CDAN1: variants seen among roughly 807,000 people sequenced by gnomAD.
CDAN1 encodes codanin-1.
CDAN1 carries 107 observed loss-of-function variants against 139.8 expected under a neutral mutation model. The ratio of observed to expected loss-of-function variants is 0.77; its 90% CI spans 0.65 to 0.90. The LOEUF is 0.90. CDAN1 is among the 40% of genes least tolerant of loss of function. The pLI is 0.00. For missense variants in CDAN1, 1,667 were observed against 1,575.7 expected (o/e 1.06, Z -0.98); for synonymous variants, 776 against 660.6 (o/e 1.17, Z -2.68).
rs371822328 is a variant in CDAN1, at chr15:42,726,409, G to C, written c.3105C>G (p.Leu1035=). Residue 1035 remains leucine, a synonymous_variant, in exon 24 of 28, where the codon CTC becomes CTG. Coordinates refer to ENST00000356231, the MANE Select transcript of CDAN1 (RefSeq NM_138477.4). ...SHLISEIKDV[L]SLAVGPRDPD... ...GGTCCCGTGGCCCCACGGCCAAGGAGAGCACGTCCTGTGAAGAGCAGGGGG... is the reference window on the plus strand; with the variant it reads ...GGTCCCGTGGCCCCACGGCCAAGGACAGCACGTCCTGTGAAGAGCAGGGGG... 1 of 1,593,222 alleles carries C rather than the reference G, an allele frequency of 6.3e-7. No individual in the cohort carries two copies. The highest frequency in any genetic ancestry group is 2.3e-5 in the East Asian group (1 of 43,878).
In CDAN1 at chr15:42,736,324, A is replaced by C; in HGVS notation, c.547T>G (p.Ser183Ala). 1 of 1,613,622 alleles carries C rather than the reference A, an allele frequency of 6.2e-7. No homozygotes were observed. Among genetic ancestry groups the C allele is most frequent in the East Asian group, 2.2e-5 (1 of 44,810 alleles). Residue 183 changes from serine to alanine, a missense_variant, in exon 2 of 28, where the codon TCG becomes GCG. Ser to Ala is a moderately conservative substitution (Grantham distance 99, BLOSUM62 1). Coordinates refer to ENST00000356231, the MANE Select transcript of CDAN1 (RefSeq NM_138477.4). ...SNLEEFPPVG[S>A]VPPGPTGTKP... ...CACCCTGTAGGGCCGGGGGGAACCGAGCCTACGGGAGGGAACTCCTCCAGG... is the reference window on the plus strand; with the variant it reads ...CACCCTGTAGGGCCGGGGGGAACCGCGCCTACGGGAGGGAACTCCTCCAGG...
At position 42,727,694 on chromosome 15, in the gene CDAN1, C is replaced by T. The variant is rs1369041010; in HGVS notation, c.3023G>A (p.Gly1008Glu). 3 of 1,585,438 alleles carry T rather than the reference C, an allele frequency of 1.9e-6. No homozygotes were observed. Among genetic ancestry groups the T allele is most frequent in the Non-Finnish European group, 2.6e-6 (3 of 1,162,038 alleles). Residue 1008 changes from glycine to glutamate, a missense_variant, in exon 23 of 28, where the codon GGG (glycine) becomes GAG (glutamate). Coordinates refer to ENST00000356231, the MANE Select transcript of CDAN1 (RefSeq NM_138477.4). ...RAQGPEPAARGERRGCSRACE... is the reference protein window; with the variant it reads ...RAQGPEPAAREERRGCSRACE... ...GGCGCGGGAGCAGCCCCTCCGCTCCCCCCGGGCAGCAGGTTCAGGACCCTG... is the reference window on the plus strand; with the variant it reads ...GGCGCGGGAGCAGCCCCTCCGCTCCTCCCGGGCAGCAGGTTCAGGACCCTG...
intron 8 of CDAN1, among the ~76,000 whole-genome samples, 170 bp downstream of exon 8, chr15:42,733,768 C>T (rs1005015149): frequency 2.2e-4 from 33 of 152,198 alleles, no homozygotes; most frequent in African/African-American, 7.2e-4. Context: ...TTCACAGATG[C>T]ACATGAGAAT....
Position 42,730,922 on chromosome 15 carries a change from C to T in CDAN1, c.2007+3G>A. 6.2e-7 allele frequency: 1 copy of T among 1,614,206 alleles called. No homozygotes were observed. Reference sequence around the variant, plus strand: ...TCCTCACCAGAATCCCCCGCCCATTCACCTGGCTCCTGAGGGCCAGAATGG... The same window carrying T: ...TCCTCACCAGAATCCCCCGCCCATTTACCTGGCTCCTGAGGGCCAGAATGG... On this transcript the variant is annotated splice_donor_region_variant and intron_variant, in intron 13 of 27. Transcript: ENST00000356231.
At chr15:42,733,009 AAAC>A in intron 9 of CDAN1, 85 bp downstream of exon 9, 1 of 1,025,562 alleles carries the variant, frequency 9.8e-7, no homozygotes, top group Non-Finnish European at 1.5e-6. Context: ...GGAGCGGGGA[AAAC>A]CTTCCCTCCT....
At position 42,735,139 on chromosome 15, in the gene CDAN1, C is replaced by T; in HGVS notation, c.1097G>A (p.Cys366Tyr). Residue 366 changes from cysteine to tyrosine, a missense_variant, in exon 6 of 28, where the codon TGT (cysteine) becomes TAT (tyrosine). By Grantham distance (194) the Cys-to-Tyr change is radical. This residue lies in a region of CDAN1 where 244 missense variants were observed against 309.4 expected (regional missense o/e 0.79). Coordinates refer to ENST00000356231, the MANE Select transcript of CDAN1 (RefSeq NM_138477.4). ...ESPLFQSIHD[C>Y]VFFAVQVLEC... The stretch of plus-strand genomic sequence containing the variant: ...CAAAACCTGCACTGCAAAGAAGACA[C>T]AATCGTGGATGCTTTGGAACAGTGG... The T allele has an allele frequency of 1.2e-6, 2 of 1,614,002 alleles. No individual in the cohort carries two copies. The highest frequency in any genetic ancestry group is 1.7e-6 in the Non-Finnish European group (2 of 1,179,930).
At chr15:42,730,879 C>A in intron 13 of CDAN1, 46 bp downstream of exon 13, 1 of 1,613,848 alleles carries the variant, frequency 6.2e-7, no homozygotes, top group Non-Finnish European at 8.5e-7. Flanking sequence ...CAGTGCCTGG[C>A]CGGTCCTCCC....
rs749587373 is a variant in CDAN1 at position 42,736,664 on chromosome 15, G to A, written c.207C>T (p.Pro69=). The change falls in exon 2 of 28, where the codon CCC becomes CCT. Residue 69 remains proline, a synonymous_variant. Transcript: ENST00000356231. ...EQSSRVLPQG[P]PTPAKTPGAS... ...CGCCCGGGGTCTTGGCGGGGGTCGGGGGCCCCTGCGGGAGGACGCGGCTGC... is the reference window on the plus strand; with the variant it reads ...CGCCCGGGGTCTTGGCGGGGGTCGGAGGCCCCTGCGGGAGGACGCGGCTGC... 3 of 1,541,568 alleles carry A rather than the reference G, an allele frequency of 1.9e-6. No homozygotes were observed. Among genetic ancestry groups the A allele is most frequent in the Non-Finnish European group, 1.7e-6 (2 of 1,145,738 alleles).
chr15:42,729,178 G>GGC, intron 18 of CDAN1, 51 bp downstream of exon 18: 26 of 1,027,644 alleles, frequency 2.5e-5, no homozygotes, highest in Non-Finnish European at 3.6e-5. Flanking sequence ...CCCTGTCCCC[G>GGC]CCCCCAACCC....
At chr15:42,728,911 A>G (rs1056298858) in intron 19 of CDAN1, 101 bp from the exon 20 acceptor site, 8 of 1,584,146 alleles carry the variant, frequency 5.1e-6, no homozygotes, top group Admixed American at 5.0e-5. Context: ...AAAATGTGTC[A>G]GCCATTTCAG....
In CDAN1 at chr15:42,729,603, TCCA is replaced by T. The variant is rs1176467922; in HGVS notation, c.2369_2371del (p.Val790del). ...GCAGCAGGTGTAGAGCAGCTGCTGG[TCCA>T]CCACAGGCGCATTGTCCTGGGGAGA... is the stretch of plus-strand genomic sequence containing the variant. On this transcript the variant is annotated inframe_deletion, in exon 17 of 28. Coordinates refer to ENST00000356231, the MANE Select transcript of CDAN1 (RefSeq NM_138477.4). 1 of 1,613,906 alleles carries T rather than the reference TCCA, an allele frequency of 6.2e-7. No homozygotes were observed. The highest frequency in any genetic ancestry group is 8.5e-7 in the Non-Finnish European group (1 of 1,179,984).
chr15:42,725,750 C>G, intron 25 of CDAN1, 80 bp from the exon 26 acceptor site: 1 of 1,451,050 alleles, frequency 6.9e-7, no homozygotes, highest in Non-Finnish European at 9.5e-7. Context: ...CCCAACACTT[C>G]GGGAGGCTGA....
intron 23 of CDAN1, chr15:42,727,025 A>C (rs1479374333): frequency 6.4e-6 from 1 of 156,016 alleles, no homozygotes; most frequent in Non-Finnish European, 1.4e-5. Context: ...TGTCCCAACT[A>C]TGCAACTCTG....
Position 42,732,357 on chromosome 15 carries a change from C to T in CDAN1, c.1509G>A (p.Arg503=). The change falls in exon 10 of 28, where the codon CGG becomes CGA. Residue 503 remains arginine (R), a synonymous_variant. Transcript: ENST00000356231. ...CCTGGAGTAGTTGTTTTTGGAAAAG[C>T]CGAACAAAGTGGCTGTGGCTGCAGG... ...SAACSHSHFV[R]LFQKQLLQMC... is the part of the protein sequence containing the mutation. 6.2e-7 allele frequency: 1 copy of T among 1,614,042 alleles called. No individual in the cohort carries two copies. The highest frequency in any genetic ancestry group is 2.2e-5 in the East Asian group (1 of 44,886).
At chr15:42,725,100 T>TAACA in intron 27 of CDAN1, 44 bp downstream of exon 27, 1 of 1,495,318 alleles carries the variant, frequency 6.7e-7, no homozygotes, top group Admixed American at 1.7e-5. Context: ...ATGGGATATG[T>TAACA]AACACCTGTT....
chr15:42,734,097 T>G, intron 7 of CDAN1, 50 bp from the exon 8 acceptor site: 1 of 1,595,564 alleles, frequency 6.3e-7, no homozygotes, highest in Non-Finnish European at 8.6e-7. Context: ...CTGAGAAAAC[T>G]TCTCCCTCTT....
chr15:42,729,961 G>A lies in CDAN1; in HGVS notation c.2263-76C>T, dbSNP rs1435058540. The A allele has an allele frequency of 4.1e-6, 4 of 966,538 alleles. No homozygotes were observed. In the Admixed American group the frequency reaches 6.8e-5, roughly 16 times the overall value. The allele number at this position is 966,538 out of a possible 1,614,324, so 59.9% of individuals were successfully genotyped here. Reference sequence around the variant, plus strand: ...CACCCCACCTCCTGCACGGTCCCAGGGTGTAGGCGCCAGCTTCAAAGCAGC... The same window carrying A: ...CACCCCACCTCCTGCACGGTCCCAGAGTGTAGGCGCCAGCTTCAAAGCAGC... On this transcript the variant is annotated intron_variant, in intron 15 of 27. Transcript: ENST00000356231.
chr15:42,727,576 G>T lies in CDAN1; in HGVS notation c.3096+45C>A, dbSNP rs576998498. 18 of 1,484,480 alleles carry T rather than the reference G, an allele frequency of 1.2e-5. No individual in the cohort carries two copies. The East Asian group carries it at 2.0e-4, about 16-fold the overall frequency. The allele number at this position is 1,484,480 out of a possible 1,614,324, so 92.0% of individuals were successfully genotyped here. A position where few individuals can be genotyped will look rare whatever the true frequency, so the allele number is the denominator to read the frequency against. On this transcript the variant is annotated intron_variant, in intron 23 of 27. Coordinates refer to ENST00000356231, the MANE Select transcript of CDAN1 (RefSeq NM_138477.4). ...AAAGGAAAAACCAGGAACAGAGCAG[G>T]GGGGTGGGAGCAGGGAAGCCAAAGG...
intron 23 of CDAN1, chr15:42,726,673 T>C: frequency 1.8e-6 from 1 of 560,464 alleles, no homozygotes; most frequent in Non-Finnish European, 3.2e-6. Flanking sequence ...ATGGGAAACG[T>C]CACTCAACTT....
Sources: gnomAD v4.1 joint callset for allele counts (sites outside exome capture counted in the v4.1 genomes callset) on GRCh38, gnomAD v4.1.1 for gene constraint, gnomAD v4.1.1 regional missense constraint, MANE v1.5 for transcripts, NCBI Gene and HGNC (gene_info 2026-07-23, HGNC 2026-07-21) for gene names.